AURKAIP1: variants seen among roughly 807,000 people sequenced by gnomAD.
The protein encoded by AURKAIP1 is aurora kinase A interacting protein 1.
In AURKAIP1, 20 loss-of-function variants were observed where a neutral mutation model predicts 18.4. The ratio of observed to expected loss-of-function variants is 1.09; its 90% confidence interval spans 0.77 to 1.58. The LOEUF (loss-of-function observed/expected upper bound fraction) is 1.58. Ranked by LOEUF, AURKAIP1 falls within the 40% of genes most tolerant of loss-of-function variation. AURKAIP1 has a pLI of 0.00. For missense variants in AURKAIP1, 319 were observed against 270.7 expected (o/e 1.18, Z -1.25); for synonymous variants, 156 against 120.8 (o/e 1.29, Z -1.91).
chr1:1,374,922 G>A (rs1644334015), intron 1 of AURKAIP1, 132 bp from the exon 2 acceptor site: 5 of 624,074 alleles, frequency 8.0e-6, no homozygotes, highest in South Asian at 2.1e-5. Context: ...CCACAAGGAG[G>A]ACTTTGCTTC....
chr1:1,374,242 T>C lies in AURKAIP1; in HGVS notation c.256A>G (p.Arg86Gly). ...GTCCCTGCGGTCCCGGTATCCAGTC[T>C]GGGCAGGAAGCAGCGGGCCGTGAGC... is the stretch of plus-strand genomic sequence containing the variant. Reference protein sequence around the residue: ...SWLTARCFLPRLDTGTAGTVA... With the variant: ...SWLTARCFLPGLDTGTAGTVA... Residue 86 changes from arginine to glycine, a missense_variant, in exon 3 of 4, where the codon AGA (arginine) becomes GGA (glycine). By Grantham distance (125) the Arg-to-Gly change is moderately radical. Coordinates refer to ENST00000338338, the MANE Select transcript of AURKAIP1 (RefSeq NM_017900.3). 10 of 1,611,362 alleles carry C rather than the reference T, an allele frequency of 6.2e-6. No homozygotes were observed. Among genetic ancestry groups the C allele is most frequent in the Non-Finnish European group, 8.5e-6 (10 of 1,179,562 alleles).
In AURKAIP1 at chr1:1,374,246, C is replaced by T; in HGVS notation, c.252G>A (p.Leu84=). ...CTGCGGTCCCGGTATCCAGTCTGGG[C>T]AGGAAGCAGCGGGCCGTGAGCCAGC... ...LESWLTARCF[L]PRLDTGTAGT... is the part of the protein sequence containing the mutation. The change falls in exon 3 of 4, where the codon CTG becomes CTA. Residue 84 remains leucine, a synonymous_variant. Coordinates refer to ENST00000338338, the MANE Select transcript of AURKAIP1 (RefSeq NM_017900.3). The T allele has an allele frequency of 1.2e-6, 2 of 1,610,318 alleles. No homozygotes were observed. Among genetic ancestry groups the T allele is most frequent in the Non-Finnish European group, 8.5e-7 (1 of 1,179,266 alleles).
At chr1:1,374,844 G>GCGGGCCGGGACTGGGGCGTCTGGT (rs1644333310) in intron 1 of AURKAIP1, 54 bp from the exon 2 acceptor site, 1 of 1,331,322 alleles carries the variant, frequency 7.5e-7, no homozygotes, top group East Asian at 2.7e-5. Flanking sequence ...GTAGTCGCGG[G>GCGGGCCGGGACTGGGGCGTCTGGT]CGGGCCGGGA....
intron 2 of AURKAIP1, 46 bp downstream of exon 2, chr1:1,374,659 C>T: frequency 6.5e-7 from 1 of 1,546,084 alleles, no homozygotes; most frequent in South Asian, 1.2e-5. Context: ...ACCCGCACTC[C>T]TAACCAGGTG....
rs774137353 is a variant in AURKAIP1, at chr1:1,374,378, TG to T, written c.119del (p.Thr40AsnfsTer69). The T allele has an allele frequency of 2.7e-6, 4 of 1,508,688 alleles. No individual in the cohort carries two copies. The highest frequency in any genetic ancestry group is 2.1e-5 in the Admixed American group (1 of 46,590). 93.5% of individuals were successfully genotyped at this position (1,508,688 alleles called of 1,614,324 possible). A position where few individuals can be genotyped will look rare whatever the true frequency, so the allele number is the denominator to read the frequency against. On this transcript the variant is annotated frameshift_variant, in exon 3 of 4. Transcript: ENST00000338338. LOFTEE classifies it high-confidence loss of function. ...GSRVCGPLYS[T>X]SPAGPGRAAS... ...CCGCCCTACCTGGGCCGGCCGGCGA[TG>T]TGCTGTAAAGGGGCCCGCAGACCCG...
intron 1 of AURKAIP1, 114 bp downstream of exon 1, chr1:1,375,040 A>AC: frequency 2.8e-6 from 1 of 353,512 alleles, no homozygotes. Flanking sequence ...CCCCGGGTTC[A>AC]CCCCCGCGCG....
intron 2 of AURKAIP1, 89 bp from the exon 3 acceptor site, chr1:1,374,534 C>A (rs1644329052): frequency 3.7e-6 from 5 of 1,352,418 alleles, no homozygotes; most frequent in Non-Finnish European, 3.0e-6. Context: ...CAGCGAGGAT[C>A]CCCCGCACCT....
rs755761024 is a variant in AURKAIP1 at position 1,373,863 on chromosome 1, C to T, written c.538G>A (p.Ala180Thr). ...EKDLRRIWLK[A>T]GLKEAPEGWQ... ...CCTTCGGGGGCTTCCTTTAGCCCCG[C>T]CTTCAGCCAGATGCGCCTCAGGTCT... The change falls in exon 4 of 4, where the codon GCG becomes ACG. Residue 180 changes from alanine to threonine, a missense_variant. Transcript: ENST00000338338. 6.8e-6 allele frequency: 11 copies of T among 1,607,276 alleles called. No individual in the cohort carries two copies. The highest frequency in any genetic ancestry group is 2.2e-5 in the South Asian group (2 of 91,084).
rs983042216 is a variant in AURKAIP1, at chr1:1,374,686, C to T, written c.52+19G>A. On this transcript the variant is annotated intron_variant, in intron 2 of 3. Coordinates refer to ENST00000338338, the MANE Select transcript of AURKAIP1 (RefSeq NM_017900.3). ...AACCAGGTGTGCATCCTCCCATCCG[C>T]CCCCGCGCGGCTTCCTACCTGCCCA... 1.9e-6 allele frequency: 3 copies of T among 1,554,154 alleles called. No homozygotes were observed. Among genetic ancestry groups the T allele is most frequent in the Admixed American group, 3.9e-5 (2 of 51,494 alleles).
At chr1:1,375,113 C>T in intron 1 of AURKAIP1, 41 bp downstream of exon 1, 1 of 232,980 alleles carries the variant, frequency 4.3e-6, no homozygotes, top group Non-Finnish European at 8.5e-6. Context: ...CCGCAGCGCC[C>T]GGCGCCCTCA....
rs377661377 is a variant in AURKAIP1, at chr1:1,374,757, G to A, written c.-1C>T. 78 of 1,557,642 alleles carry A rather than the reference G, an allele frequency of 5.0e-5. No individual in the cohort carries two copies. In the African/African-American group the frequency reaches 8.5e-4, roughly 17 times the overall value. The stretch of plus-strand genomic sequence containing the variant: ...GGGAAGTCAGGCGCCCCAGGAGCAT[G>A]GTCTGTGGGCGGCGGCCACAGGTCC... On this transcript the variant is annotated 5_prime_UTR_variant, in exon 2 of 4. Coordinates refer to ENST00000338338, the MANE Select transcript of AURKAIP1 (RefSeq NM_017900.3).
chr1:1,374,905 C>T, intron 1 of AURKAIP1, 115 bp from the exon 2 acceptor site: 1 of 671,438 alleles, frequency 1.5e-6, no homozygotes, highest in Non-Finnish European at 2.4e-6. Flanking sequence ...CCCTCCGCCA[C>T]CCCAACCCAC....
At chr1:1,374,846 G>A (rs1644333328) in intron 1 of AURKAIP1, 56 bp from the exon 2 acceptor site, 4 of 1,286,258 alleles carry the variant, frequency 3.1e-6, no homozygotes, top group Admixed American at 2.4e-5. Flanking sequence ...AGTCGCGGGC[G>A]GGCCGGGACT....
chr1:1,374,551 T>A (rs1249659392), intron 2 of AURKAIP1, 106 bp from the exon 3 acceptor site: 1 of 1,364,360 alleles, frequency 7.3e-7, no homozygotes, highest in East Asian at 2.5e-5. Context: ...ACCTCATTCC[T>A]GGCCTGAACC....
chr1:1,374,650 C>T, intron 2 of AURKAIP1, 55 bp downstream of exon 2: 8 of 1,530,456 alleles, frequency 5.2e-6, no homozygotes, highest in Non-Finnish European at 5.3e-6. Context: ...GCTGCTGAGA[C>T]CCGCACTCCT....
In AURKAIP1 at chr1:1,374,770, C is replaced by T. The variant is rs1319755488; in HGVS notation, c.-14G>A. 1.3e-6 allele frequency: 2 copies of T among 1,553,556 alleles called. No homozygotes were observed. Among genetic ancestry groups the T allele is most frequent in the Non-Finnish European group, 1.7e-6 (2 of 1,148,952 alleles). ...CCCCAGGAGCATGGTCTGTGGGCGGCGGCCACAGGTCCCAGGGGAGCTGGA... is the reference window on the plus strand; with the variant it reads ...CCCCAGGAGCATGGTCTGTGGGCGGTGGCCACAGGTCCCAGGGGAGCTGGA... On this transcript the variant is annotated 5_prime_UTR_variant, in exon 2 of 4. Coordinates refer to ENST00000338338, the MANE Select transcript of AURKAIP1 (RefSeq NM_017900.3).
At chr1:1,374,534 C>T in intron 2 of AURKAIP1, 89 bp from the exon 3 acceptor site, 2 of 1,352,534 alleles carry the variant, frequency 1.5e-6, no homozygotes, top group Middle Eastern at 1.9e-4. Flanking sequence ...CAGCGAGGAT[C>T]CCCCGCACCT....
chr1:1,374,763 T>C lies in AURKAIP1; in HGVS notation c.-7A>G, dbSNP rs751517131. Reference sequence around the variant, plus strand: ...TCAGGCGCCCCAGGAGCATGGTCTGTGGGCGGCGGCCACAGGTCCCAGGGG... The same window carrying C: ...TCAGGCGCCCCAGGAGCATGGTCTGCGGGCGGCGGCCACAGGTCCCAGGGG... On this transcript the variant is annotated 5_prime_UTR_variant, in exon 2 of 4. Transcript: ENST00000338338. 3 of 1,555,356 alleles carry C rather than the reference T, an allele frequency of 1.9e-6. No homozygotes were observed. The East Asian group carries it at 7.3e-5, about 38-fold the overall frequency.
Position 1,374,273 on chromosome 1 carries a change from C to T in AURKAIP1, c.225G>A (p.Glu75=), listed in dbSNP as rs1295319726. The T allele has an allele frequency of 6.2e-7, 1 of 1,600,200 alleles. No homozygotes were observed. Among genetic ancestry groups the T allele is most frequent in the Non-Finnish European group, 8.5e-7 (1 of 1,174,192 alleles). ...VPRKMSVSPL[E]SWLTARCFLP... is the part of the protein sequence containing the mutation. The stretch of plus-strand genomic sequence containing the variant: ...GGAAGCAGCGGGCCGTGAGCCAGCT[C>T]TCCAGGGGGCTGACGGACATCTTCC... The change falls in exon 3 of 4, where the codon GAG becomes GAA. Residue 75 remains glutamate (E), a synonymous_variant. Transcript: ENST00000338338.
Sources: allele counts gnomAD v4.1 joint callset, GRCh38; gene constraint gnomAD v4.1.1; transcripts MANE v1.5; gene names NCBI Gene and HGNC (gene_info 2026-07-23, HGNC 2026-07-21).